RIMS1: variants seen among roughly 807,000 people sequenced by gnomAD.
RIMS1 encodes the protein regulating synaptic membrane exocytosis protein 1.
A neutral mutation model predicts 214.1 loss-of-function variants in RIMS1; 83 were observed. The ratio of observed to expected loss-of-function variants is 0.39; its 90% CI spans 0.32 to 0.47. The LOEUF is 0.47. RIMS1 is among the 20% of genes least tolerant of loss of function. RIMS1 has a pLI of 0.99. For missense variants in RIMS1, 2,050 were observed against 2,161.8 expected (o/e 0.95, Z 1.03); for synonymous variants, 793 against 786.8 (o/e 1.01, Z -0.13).
intron 26 of RIMS1, among the ~76,000 whole-genome samples, chr6:72,299,194 TGTC>T (rs769032550): frequency 6.6e-6 from 1 of 151,944 alleles, no homozygotes; most frequent in Non-Finnish European, 1.5e-5. Context: ...AAAATGTTAT[TGTC>T]GTAATAAATT....
intron 6 of RIMS1, among the ~76,000 whole-genome samples, chr6:72,216,127 A>G (rs1322794071): frequency 6.6e-6 from 1 of 152,202 alleles, no homozygotes; most frequent in Non-Finnish European, 1.5e-5. Context: ...TAAAAATGTA[A>G]TTGAGATAGT....
intron 1 of RIMS1, among the ~76,000 whole-genome samples, chr6:71,887,958 G>A (rs965743066): frequency 6.6e-6 from 1 of 152,180 alleles, no homozygotes; most frequent in African/African-American, 2.4e-5. Flanking sequence ...GACCTCTGGG[G>A]CCTGTTCAGT....
intron 1 of RIMS1, among the ~76,000 whole-genome samples, chr6:71,934,008 G>A (rs1246805457): frequency 2.0e-5 from 3 of 152,256 alleles, no homozygotes; most frequent in African/African-American, 7.2e-5. Context: ...AGGTATACTT[G>A]AATTAGTGTC....
intron 28 of RIMS1, among the ~76,000 whole-genome samples, chr6:72,329,895 A>G (rs548314275): frequency 8.9e-4 from 135 of 151,916 alleles, no homozygotes; most frequent in African/African-American, 3.0e-3. Flanking sequence ...CCAAGCAGAT[A>G]CGTCAGTTGA....
intron 27 of RIMS1, among the ~76,000 whole-genome samples, chr6:72,308,183 A>G (rs2095326766): frequency 6.6e-6 from 1 of 152,108 alleles, no homozygotes; most frequent in Non-Finnish European, 1.5e-5. Context: ...AATTTACACA[A>G]TTTCAAGTGC....
intron 1 of RIMS1, among the ~76,000 whole-genome samples, chr6:71,919,364 G>A (rs1052006326): frequency 6.6e-6 from 1 of 151,968 alleles, no homozygotes; most frequent in Non-Finnish European, 1.5e-5. Flanking sequence ...TGGCTAACCT[G>A]GGAGAGCATG....
chr6:72,178,059 T>G (rs1275963857), intron 4 of RIMS1, among the ~76,000 whole-genome samples: 2 of 152,234 alleles, frequency 1.3e-5, no homozygotes, highest in African/African-American at 4.8e-5. Flanking sequence ...GTTATAATAC[T>G]TTGTGTAGAC....
At chr6:72,358,886 A>C (rs2097731409) in intron 29 of RIMS1, among the ~76,000 whole-genome samples, 1 of 152,190 alleles carries the variant, frequency 6.6e-6, no homozygotes, top group Admixed American at 6.5e-5. Context: ...GTAGGTCTTC[A>C]GATAATACAC....
intron 29 of RIMS1, among the ~76,000 whole-genome samples, chr6:72,373,189 A>C (rs906762465): frequency 2.6e-5 from 4 of 152,130 alleles, no homozygotes; most frequent in Admixed American, 1.3e-4. Context: ...CTATTCTAAA[A>C]TGGATCAATT....
intron 23 of RIMS1, among the ~76,000 whole-genome samples, chr6:72,278,781 C>T (rs2088253777): frequency 6.6e-6 from 1 of 152,050 alleles, no homozygotes; most frequent in African/African-American, 2.4e-5. Context: ...TAATTGCATG[C>T]ATCCATCTTC....
chr6:71,908,146 T>C (rs1386902048), intron 1 of RIMS1, among the ~76,000 whole-genome samples: 2 of 152,154 alleles, frequency 1.3e-5, no homozygotes, highest in Admixed American at 1.3e-4. Flanking sequence ...ACTCCTTGGC[T>C]TTTAGTTTCT....
chr6:71,992,404 C>CTATCTTTCTTTCTTTCTTTCTT, intron 2 of RIMS1, among the ~76,000 whole-genome samples: 1 of 110,164 alleles, frequency 9.1e-6, no homozygotes, highest in South Asian at 2.9e-4. Context: ...TTCTCTCTCT[C>CTATCTTTCTTTCTTTCTTTCTT]TCTTTCTTTC....
At chr6:72,133,352 G>A (rs909317178) in intron 4 of RIMS1, among the ~76,000 whole-genome samples, 41 of 151,330 alleles carry the variant, frequency 2.7e-4, no homozygotes, top group African/African-American at 8.0e-4. Flanking sequence ...TGTAGAATGC[G>A]TTAGAAAAAA....
intron 1 of RIMS1, 74 bp downstream of exon 1, chr6:71,887,261 C>T: frequency 6.5e-7 from 1 of 1,533,862 alleles, no homozygotes; most frequent in South Asian, 1.2e-5. Flanking sequence ...TCCCCTAGTC[C>T]TCGCGGCTGA....
chr6:72,098,541 C>T (rs142006370), intron 3 of RIMS1, among the ~76,000 whole-genome samples: 80 of 149,200 alleles, frequency 5.4e-4, no homozygotes, highest in African/African-American at 2.0e-3. Context: ...GTGATCCGCC[C>T]GTCTCGGCTT....
chr6:71,933,196 A>G (rs943151372), intron 1 of RIMS1, among the ~76,000 whole-genome samples: 2 of 152,144 alleles, frequency 1.3e-5, no homozygotes, highest in Admixed American at 6.5e-5. Flanking sequence ...ACAGAAGTAG[A>G]TTAATTTCTG....
At chr6:72,284,694 T>G (rs2091669443) in intron 24 of RIMS1, among the ~76,000 whole-genome samples, 1 of 152,166 alleles carries the variant, frequency 6.6e-6, no homozygotes, top group Non-Finnish European at 1.5e-5. Flanking sequence ...CACTTTTTTT[T>G]TTAACATAGT....
intron 4 of RIMS1, among the ~76,000 whole-genome samples, chr6:72,129,284 C>A (rs2040077860): frequency 6.6e-6 from 1 of 152,118 alleles, no homozygotes; most frequent in African/African-American, 2.4e-5. Flanking sequence ...GCATGTGAAT[C>A]TGTGTGTCAA....
intron 2 of RIMS1, among the ~76,000 whole-genome samples, chr6:72,084,558 A>C (rs1215793573): frequency 6.6e-6 from 1 of 152,186 alleles, no homozygotes; most frequent in Non-Finnish European, 1.5e-5. Context: ...CCTTCTACAC[A>C]TGTAGCACCT....
Sources: gnomAD v4.1 joint callset for allele counts (sites outside exome capture counted in the v4.1 genomes callset) on GRCh38, gnomAD v4.1.1 for gene constraint, MANE v1.5 for transcripts, NCBI Gene and HGNC (gene_info 2026-07-23, HGNC 2026-07-21) for gene names.